Variants in CACNA1E observed in about 807,000 individuals in gnomAD.
The protein encoded by CACNA1E is voltage-dependent R-type calcium channel subunit alpha-1E.
In CACNA1E, 40 loss-of-function variants were observed where a neutral mutation model predicts 259.2. The ratio of observed to expected loss-of-function variants is 0.15; its 90% CI spans 0.12 to 0.20. The LOEUF (loss-of-function observed/expected upper bound fraction) is 0.20, where lower values mean the gene tolerates loss of function less well. Ranked by LOEUF, CACNA1E falls within the 10% of genes least tolerant of loss-of-function variation. The pLI is 1.00. For synonymous variants in CACNA1E, 1,104 were observed against 1,138.5 expected, an observed-to-expected ratio of 0.97 and a Z score of 0.61; for missense variants, 1,874 against 3,040.1, an observed-to-expected ratio of 0.62 and a Z score of 9.02.
At chr1:181,551,858 G>A (rs74130038) in intron 3 of CACNA1E, among the ~76,000 whole-genome samples, 22 of 151,688 alleles carry the variant, frequency 1.5e-4, no homozygotes, top group Middle Eastern at 6.8e-3. Flanking sequence ...CACTTCTTTC[G>A]TTCCTCCCTC....
intron 7 of CACNA1E, among the ~76,000 whole-genome samples, chr1:181,695,502 A>G (rs1242222850): frequency 6.6e-6 from 1 of 152,250 alleles, no homozygotes; most frequent in African/African-American, 2.4e-5. Flanking sequence ...TGTAATCAAG[A>G]CAATATGGTA....
At chr1:181,754,181 G>A (rs1306996044) in intron 27 of CACNA1E, among the ~76,000 whole-genome samples, 2 of 152,200 alleles carry the variant, frequency 1.3e-5, no homozygotes, top group Non-Finnish European at 2.9e-5. Context: ...AGCTTGATGA[G>A]ATTCGTTAAT....
chr1:181,643,145 T>C (rs1277674868), intron 6 of CACNA1E, among the ~76,000 whole-genome samples: 1 of 152,174 alleles, frequency 6.6e-6, no homozygotes, highest in East Asian at 1.9e-4. Context: ...ACTTTTATTA[T>C]AGAGATTTTC....
At chr1:181,771,086 C>T (rs897067843) in intron 35 of CACNA1E, among the ~76,000 whole-genome samples, 4 of 152,126 alleles carry the variant, frequency 2.6e-5, no homozygotes, top group Admixed American at 6.5e-5. Flanking sequence ...GCATGGGTCC[C>T]CTTTGCTGCA....
Position 181,477,150 on chromosome 1 carries a change from C to T in CACNA1E, c.435-6594C>T, listed in dbSNP as rs375980478. 7.9e-5 allele frequency among the ~76,000 whole-genome samples: 12 copies of T among 151,024 alleles called. No individual in the cohort carries two copies. In the East Asian group the frequency reaches 1.2e-3, roughly 15 times the overall value. On this transcript the variant is annotated intron_variant, in intron 2 of 11. Coordinates refer to the CACNA1E transcript ENST00000524607. The stretch of plus-strand genomic sequence containing the variant: ...AACTCCATGCATCTTGTGTACTGCC[C>T]CCCTCCCCACCCCCCAAAACATCCT...
At chr1:181,658,596 C>A (rs1269780093) in intron 7 of CACNA1E, among the ~76,000 whole-genome samples, 1 of 152,018 alleles carries the variant, frequency 6.6e-6, no homozygotes, top group Non-Finnish European at 1.5e-5. Flanking sequence ...GGTGGCATCA[C>A]CTGCTTAACG....
chr1:181,550,317 T>G (rs999482563), intron 3 of CACNA1E, among the ~76,000 whole-genome samples: 2 of 151,778 alleles, frequency 1.3e-5, no homozygotes. Context: ...GCTTTGGCGG[T>G]TGGGTGTGTC....
At chr1:181,458,977 T>C (rs1257740380) in intron 2 of CACNA1E, among the ~76,000 whole-genome samples, 5 of 152,200 alleles carry the variant, frequency 3.3e-5, no homozygotes, top group African/African-American at 1.2e-4. Context: ...ATATTGACAG[T>C]CTCTGCTCTC....
At chr1:181,365,241 C>T (rs187051049) in intron 1 of CACNA1E, among the ~76,000 whole-genome samples, 103 of 152,344 alleles carry the variant, frequency 6.8e-4, no homozygotes, top group Non-Finnish European at 1.2e-3. Context: ...GATCATGGCT[C>T]TCTGCTGCCT....
intron 8 of CACNA1E, among the ~76,000 whole-genome samples, chr1:181,713,646 A>G (rs764890999): frequency 6.6e-6 from 1 of 152,102 alleles, no homozygotes; most frequent in Non-Finnish European, 1.5e-5. Context: ...AAATTAAACC[A>G]TTGTTTAGTA....
chr1:181,724,842 A>C (rs1395068783), intron 17 of CACNA1E, among the ~76,000 whole-genome samples: 5 of 152,176 alleles, frequency 3.3e-5, no homozygotes, highest in African/African-American at 1.2e-4. Context: ...GAAAATTCTA[A>C]AGCCCTGGTT....
intron 1 of CACNA1E, among the ~76,000 whole-genome samples, chr1:181,367,901 A>G (rs568493731): frequency 6.2e-4 from 95 of 152,318 alleles, no homozygotes; most frequent in Admixed American, 2.2e-3. Context: ...TAACTTTAAC[A>G]ATGCTTTTGA....
chr1:181,498,940 G>A (rs974538574), intron 1 of CACNA1E, among the ~76,000 whole-genome samples: 1 of 152,158 alleles, frequency 6.6e-6, no homozygotes, highest in African/African-American at 2.4e-5. Context: ...TAATAAGAAA[G>A]GACTTACGTA....
chr1:181,704,040 C>T (rs1199355319), intron 7 of CACNA1E, among the ~76,000 whole-genome samples: 3 of 151,956 alleles, frequency 2.0e-5, no homozygotes, highest in Non-Finnish European at 2.9e-5. Flanking sequence ...CATATGATGT[C>T]GTCGAGCATT....
chr1:181,770,111 G>T (rs1659375119), intron 35 of CACNA1E, among the ~76,000 whole-genome samples: 1 of 152,208 alleles, frequency 6.6e-6, no homozygotes, highest in Admixed American at 6.5e-5. Flanking sequence ...GCTGGGGGCA[G>T]AGATTGTTCC....
intron 37 of CACNA1E, among the ~76,000 whole-genome samples, chr1:181,773,767 T>C (rs1389354814): frequency 1.3e-5 from 2 of 152,234 alleles, no homozygotes; most frequent in Non-Finnish European, 2.9e-5. Flanking sequence ...CTTACTTTTA[T>C]CTTATATGGT....
intron 44 of CACNA1E, among the ~76,000 whole-genome samples, chr1:181,791,366 A>C (rs1428698591): frequency 6.6e-6 from 1 of 152,182 alleles, no homozygotes; most frequent in Non-Finnish European, 1.5e-5. Context: ...CCAGCTACTC[A>C]GGAGGCTGAG....
intron 7 of CACNA1E, among the ~76,000 whole-genome samples, chr1:181,685,230 GTTTTTT>G (rs139598690): frequency 0.14 from 14,639 of 103,406 alleles, 848 homozygotes; most frequent in Middle Eastern, 0.23. Flanking sequence ...CCACCTTTAA[GTTTTTT>G]TTTTTTTTTT....
At chr1:181,669,917 C>A (rs1432405567) in intron 7 of CACNA1E, among the ~76,000 whole-genome samples, 1 of 152,192 alleles carries the variant, frequency 6.6e-6, no homozygotes, top group Non-Finnish European at 1.5e-5. Flanking sequence ...GCATGATGGA[C>A]ATGATCCCAG....
Sources: allele counts gnomAD v4.1 joint callset (sites outside exome capture counted in the v4.1 genomes callset), GRCh38; gene constraint gnomAD v4.1.1; transcripts MANE v1.5; gene names NCBI Gene and HGNC (gene_info 2026-07-23, HGNC 2026-07-21).